The following DAB2IP variants were observed in gnomAD, a reference collection of about 807,000 sequenced individuals.
The protein encoded by DAB2IP is DAB2 interacting protein.
A neutral mutation model predicts 107.2 loss-of-function variants in DAB2IP; 28 were observed. That is an observed-to-expected ratio of 0.26 (90% confidence interval 0.19 to 0.36). The LOEUF (loss-of-function observed/expected upper bound fraction) is 0.36, where lower values mean the gene tolerates loss of function less well. DAB2IP is among the 10% of genes least tolerant of loss of function. The probability of loss-of-function intolerance (pLI) is 1.00; values close to 1 mark genes in which losing one functional copy is unlikely to be tolerated. For synonymous variants in DAB2IP, 755 were observed against 706.4 expected (o/e 1.07, Z -1.09); for missense variants, 1,400 against 1,644.7 (o/e 0.85, Z 2.57).
intron 1 of DAB2IP, among the ~76,000 whole-genome samples, chr9:121,584,918 G>A (rs967727974): frequency 7.2e-5 from 11 of 152,216 alleles, no homozygotes; most frequent in Admixed American, 3.3e-4. Context: ...TTTAGAGGTG[G>A]GGTCTTTCTG....
At chr9:121,615,556 A>G (rs1007419507) in intron 1 of DAB2IP, among the ~76,000 whole-genome samples, 4 of 152,078 alleles carry the variant, frequency 2.6e-5, no homozygotes, top group African/African-American at 9.7e-5. Context: ...GTCCTTTATA[A>G]TGAGTGTCCA....
At chr9:121,742,625 C>T (rs1387747276) in intron 3 of DAB2IP, among the ~76,000 whole-genome samples, 1 of 152,218 alleles carries the variant, frequency 6.6e-6, no homozygotes, top group Non-Finnish European at 1.5e-5. Flanking sequence ...CCAGGAGAAG[C>T]TCCACTCTTG....
At chr9:121,655,284 GGTGCCTCCCCACCTA>G in intron 1 of DAB2IP, among the ~76,000 whole-genome samples, 1 of 152,294 alleles carries the variant, frequency 6.6e-6, no homozygotes, top group East Asian at 1.9e-4. Context: ...TCATCAGCAA[GGTGCCTCCCCACCTA>G]GTCACACCAA....
chr9:121,669,682 G>A (rs1008598373), intron 1 of DAB2IP, among the ~76,000 whole-genome samples: 3 of 152,200 alleles, frequency 2.0e-5, no homozygotes, highest in African/African-American at 7.2e-5. Context: ...AGCAGTCACT[G>A]CTTTCAGCCA....
chr9:121,605,717 G>C (rs757697536), intron 1 of DAB2IP, among the ~76,000 whole-genome samples: 1 of 152,090 alleles, frequency 6.6e-6, no homozygotes, highest in African/African-American at 2.4e-5. Context: ...TATTGCGCAG[G>C]CTGGTCTTGA....
chr9:121,720,788 C>T (rs1309940923), intron 3 of DAB2IP, among the ~76,000 whole-genome samples: 1 of 152,168 alleles, frequency 6.6e-6, no homozygotes, highest in Non-Finnish European at 1.5e-5. Flanking sequence ...CTCCACCCAG[C>T]AGGAGCAGGG....
At chr9:121,651,198 C>T (rs1832724760), upstream of DAB2IP, among the ~76,000 whole-genome samples, 1 of 152,224 alleles carries the variant, frequency 6.6e-6, no homozygotes, top group Non-Finnish European at 1.5e-5. The surrounding 1 kb of genome is among the most constrained non-coding windows in gnomAD (Gnocchi z 5.1). Flanking sequence ...TCCTGCATCA[C>T]AGGGGAGTCT....
At chr9:121,617,907 T>G (rs1831335519) in intron 1 of DAB2IP, among the ~76,000 whole-genome samples, 1 of 152,014 alleles carries the variant, frequency 6.6e-6, no homozygotes, top group African/African-American at 2.4e-5. Context: ...ATTGTAGCTC[T>G]TAGCTGGATT....
chr9:121,632,322 C>T (rs551142779), intron 1 of DAB2IP, among the ~76,000 whole-genome samples: 2 of 152,314 alleles, frequency 1.3e-5, no homozygotes, highest in South Asian at 2.1e-4. Context: ...GCTCTGGACA[C>T]GCCATAGCTC....
At chr9:121,744,874 C>G (rs1296137484) in intron 3 of DAB2IP, among the ~76,000 whole-genome samples, 1 of 152,084 alleles carries the variant, frequency 6.6e-6, no homozygotes, top group Non-Finnish European at 1.5e-5. Flanking sequence ...TTGAGCCAGG[C>G]GTAGACGGAT....
intron 3 of DAB2IP, among the ~76,000 whole-genome samples, chr9:121,710,674 A>T (rs1164011188): frequency 6.6e-6 from 1 of 152,188 alleles, no homozygotes; most frequent in Non-Finnish European, 1.5e-5. Flanking sequence ...AGAAGAACAT[A>T]GAGGTGACTT....
At chr9:121,683,636 T>G (rs938332483) in intron 2 of DAB2IP, among the ~76,000 whole-genome samples, 2 of 152,024 alleles carry the variant, frequency 1.3e-5, no homozygotes, top group African/African-American at 4.8e-5. Context: ...CAACATTGGG[T>G]TGATTATGGA....
At chr9:121,719,364 A>G (rs545907992) in intron 3 of DAB2IP, among the ~76,000 whole-genome samples, 13 of 152,326 alleles carry the variant, frequency 8.5e-5, no homozygotes, top group Admixed American at 5.2e-4. Context: ...AAGAAGTGAC[A>G]GGAGTTAAGG....
chr9:121,618,426 C>T (rs1831353219), intron 1 of DAB2IP, among the ~76,000 whole-genome samples: 1 of 151,536 alleles, frequency 6.6e-6, no homozygotes. Context: ...AGTGGCACAA[C>T]CTCGGCTGAC....
chr9:121,685,938 A>C (rs1828857101), intron 2 of DAB2IP, among the ~76,000 whole-genome samples: 1 of 152,206 alleles, frequency 6.6e-6, no homozygotes. Context: ...GCGACAAGAG[A>C]TCCACGGCAG....
chr9:121,572,432 G>A (rs1259149854), intron 1 of DAB2IP, among the ~76,000 whole-genome samples: 1 of 151,434 alleles, frequency 6.6e-6, no homozygotes, highest in African/African-American at 2.5e-5. Context: ...GAATAAGTGA[G>A]CGAGAGTGAG....
chr9:121,634,900 C>T lies in DAB2IP; in HGVS notation c.41-43778C>T, dbSNP rs1043450091. On this transcript the variant is annotated intron_variant, in intron 1 of 16. Transcript: ENST00000259371. This position sits in a 1 kb window ranked among gnomAD's most constrained non-coding sequence, Gnocchi z 4.7. ...CTCGGCTGCTCCCTGCTGACTTGCA[C>T]CTCAGAGGCACCCCCAGCCCCCTCA... Among the ~76,000 whole-genome samples, 1 of 152,200 alleles carries T rather than the reference C, an allele frequency of 6.6e-6. No individual in the cohort carries two copies. The highest frequency in any genetic ancestry group is 2.4e-5 in the African/African-American group (1 of 41,438).
intron 2 of DAB2IP, among the ~76,000 whole-genome samples, chr9:121,692,007 G>T (rs781022940): frequency 6.6e-6 from 1 of 152,190 alleles, no homozygotes; most frequent in African/African-American, 2.4e-5. Context: ...GAAGCCCTGC[G>T]AGAAAAGCAG....
Position 121,772,750 on chromosome 9 carries a change from A to G in DAB2IP, c.2222A>G (p.Asn741Ser), listed in dbSNP as rs895729854. The G allele has an allele frequency of 1.5e-5, 25 of 1,613,822 alleles. No homozygotes were observed. Among genetic ancestry groups the G allele is most frequent in the African/African-American group, 9.3e-5 (7 of 74,956 alleles). Reference sequence around the variant, plus strand: ...AACGAGCCTGATCTTCAGATGGCCAACGGTGGCAAGAGCCTCTCCATGGTG... The same window carrying G: ...AACGAGCCTGATCTTCAGATGGCCAGCGGTGGCAAGAGCCTCTCCATGGTG... Residue 741 changes from asparagine to serine, a missense_variant, in exon 12 of 16, where the codon AAC becomes AGC. Asn to Ser is a conservative substitution (Grantham distance 46, BLOSUM62 1). Transcript: ENST00000408936. The surrounding 1 kb of genome is among the most constrained non-coding windows in gnomAD (Gnocchi z 4.7).
Sources: gnomAD v4.1 joint callset for allele counts (sites outside exome capture counted in the v4.1 genomes callset) on GRCh38, gnomAD v4.1.1 for gene constraint, Gnocchi (gnomAD v3.1) non-coding constraint, MANE v1.5 for transcripts, NCBI Gene and HGNC (gene_info 2026-07-23, HGNC 2026-07-21) for gene names.